The following METTL25 variants were observed in gnomAD, a reference collection of about 807,000 sequenced individuals.
The protein encoded by METTL25 is probable methyltransferase-like protein 25.
In METTL25, 64 loss-of-function variants were observed where a neutral mutation model predicts 71.6. That is an observed-to-expected ratio of 0.89 (90% CI 0.73 to 1.10). The LOEUF (loss-of-function observed/expected upper bound fraction) is 1.10. Ranked by LOEUF, METTL25 falls within the 50% of genes least tolerant of loss-of-function variation. METTL25 has a pLI of 0.00. For synonymous variants in METTL25, 287 were observed against 250.3 expected, an observed-to-expected ratio of 1.15 and a Z score of -1.38; for missense variants, 807 against 707.0, an observed-to-expected ratio of 1.14 and a Z score of -1.60.
intron 9 of METTL25, among the ~76,000 whole-genome samples, chr12:82,464,183 C>A (rs1456832652): frequency 6.6e-6 from 1 of 151,712 alleles, no homozygotes; most frequent in African/African-American, 2.4e-5. Flanking sequence ...AAAATATTTT[C>A]CCAGAGCAAT....
At chr12:82,433,052 C>T (rs1889644525) in intron 6 of METTL25, among the ~76,000 whole-genome samples, 1 of 151,500 alleles carries the variant, frequency 6.6e-6, no homozygotes, top group Non-Finnish European at 1.5e-5. Context: ...TATGTTTTCT[C>T]ATCCTCTTTG....
At chr12:82,406,343 T>C (rs759018787) in intron 5 of METTL25, among the ~76,000 whole-genome samples, 2 of 152,192 alleles carry the variant, frequency 1.3e-5, no homozygotes, top group Non-Finnish European at 2.9e-5. Context: ...TAAGTCCCCG[T>C]ACCTATATTG....
At chr12:82,403,253 C>G in intron 5 of METTL25, 123 bp downstream of exon 5, 1 of 888,694 alleles carries the variant, frequency 1.1e-6, no homozygotes, top group Admixed American at 2.9e-5. Context: ...TTTAAGATAA[C>G]ATCTGACTTA....
chr12:82,475,055 G>A (rs934600554), intron 9 of METTL25, among the ~76,000 whole-genome samples: 1 of 152,148 alleles, frequency 6.6e-6, no homozygotes, highest in Admixed American at 6.5e-5. Context: ...CTGGTGACCA[G>A]CATGGTGCTT....
chr12:82,390,922 C>CT (rs1885517912), intron 3 of METTL25, among the ~76,000 whole-genome samples: 1 of 152,004 alleles, frequency 6.6e-6, no homozygotes, highest in Non-Finnish European at 1.5e-5. Context: ...CAGCCAACCT[C>CT]TATTAAGAGC....
At chr12:82,402,008 G>C (rs4505128) in intron 4 of METTL25, among the ~76,000 whole-genome samples, 140,084 of 151,976 alleles carry the variant, frequency 0.92, 64,906 homozygotes, top group East Asian at 1. Flanking sequence ...TCATGTCAAA[G>C]ACAGAAGAGT....
chr12:82,433,965 C>T (rs1486968418), intron 6 of METTL25, among the ~76,000 whole-genome samples: 1 of 150,950 alleles, frequency 6.6e-6, no homozygotes, highest in African/African-American at 2.4e-5. Context: ...TTTCAGAATA[C>T]TCTATTCCAT....
intron 1 of METTL25, among the ~76,000 whole-genome samples, chr12:82,383,551 A>T (rs1884660241): frequency 6.6e-6 from 1 of 152,200 alleles, no homozygotes; most frequent in Admixed American, 6.6e-5. Flanking sequence ...GTCACATGAA[A>T]GGTAAAGTGC....
chr12:82,364,697 A>G (rs1472856576), intron 1 of METTL25, among the ~76,000 whole-genome samples: 1 of 152,230 alleles, frequency 6.6e-6, no homozygotes, highest in Non-Finnish European at 1.5e-5. Context: ...AGAATATAGC[A>G]TGGGTTAATA....
chr12:82,385,514 T>C (rs952758732), intron 1 of METTL25, among the ~76,000 whole-genome samples: 2 of 152,316 alleles, frequency 1.3e-5, no homozygotes, highest in Middle Eastern at 3.4e-3. Context: ...TCAAAATTAA[T>C]TTTCAATGAA....
chr12:82,438,690 T>C (rs780139040), intron 7 of METTL25, 28 bp from the exon 8 acceptor site: 1 of 1,394,040 alleles, frequency 7.2e-7, no homozygotes, highest in Non-Finnish European at 9.5e-7. Context: ...TTGTTTCTTG[T>C]GCTTATATAT....
At chr12:82,387,521 C>A (rs911084695) in intron 2 of METTL25, among the ~76,000 whole-genome samples, 1 of 151,824 alleles carries the variant, frequency 6.6e-6, no homozygotes, top group African/African-American at 2.4e-5. Flanking sequence ...AACTCAGATT[C>A]TTTTATCTTA....
chr12:82,475,510 A>T (rs1892833818), intron 9 of METTL25, among the ~76,000 whole-genome samples: 2 of 152,124 alleles, frequency 1.3e-5, no homozygotes, highest in Admixed American at 1.3e-4. Flanking sequence ...CTATTGTGAA[A>T]AAAAAAAGGA....
At chr12:82,377,811 T>C (rs2136899488) in intron 1 of METTL25, among the ~76,000 whole-genome samples, 1 of 152,324 alleles carries the variant, frequency 6.6e-6, no homozygotes, top group East Asian at 1.9e-4. Flanking sequence ...CTAATTTAAA[T>C]GAATGCTATA....
intron 5 of METTL25, among the ~76,000 whole-genome samples, chr12:82,405,493 C>T (rs894666956): frequency 6.6e-6 from 1 of 151,992 alleles, no homozygotes; most frequent in Non-Finnish European, 1.5e-5. Flanking sequence ...TCTTCAATCT[C>T]ATACTTAAAA....
chr12:82,415,529 C>T (rs1371495267), intron 5 of METTL25, among the ~76,000 whole-genome samples: 6 of 152,098 alleles, frequency 3.9e-5, no homozygotes, highest in Non-Finnish European at 5.9e-5. Context: ...ACAGTATGCT[C>T]TCTACAGGCT....
At chr12:82,472,864 G>A (rs576530318) in intron 9 of METTL25, among the ~76,000 whole-genome samples, 45 of 152,232 alleles carry the variant, frequency 3.0e-4, no homozygotes, top group African/African-American at 1.1e-3. Flanking sequence ...TTCCTTCGGA[G>A]GTATCATGTT....
intron 1 of METTL25, among the ~76,000 whole-genome samples, chr12:82,384,054 A>T (rs1884714198): frequency 6.6e-6 from 1 of 152,196 alleles, no homozygotes; most frequent in African/African-American, 2.4e-5. Flanking sequence ...GTAAGTAAAG[A>T]TGATAAGTAA....
intron 5 of METTL25, among the ~76,000 whole-genome samples, chr12:82,424,892 T>C (rs117981273): frequency 0.028 from 4,268 of 152,058 alleles, 78 homozygotes; most frequent in Middle Eastern, 0.038. Context: ...GAAGAAACAA[T>C]GAAGTATTCT....
Sources: allele counts gnomAD v4.1 joint callset (sites outside exome capture counted in the v4.1 genomes callset), GRCh38; gene constraint gnomAD v4.1.1; transcripts MANE v1.5; gene names NCBI Gene and HGNC (gene_info 2026-07-23, HGNC 2026-07-21).